EIF2B2: variants seen among roughly 807,000 people sequenced by gnomAD.
EIF2B2 encodes the protein translation initiation factor eIF2B subunit beta.
EIF2B2 carries 34 observed loss-of-function variants against 34.7 expected under a neutral mutation model. The ratio of observed to expected loss-of-function variants is 0.98; its 90% CI spans 0.75 to 1.31. The LOEUF is 1.31. Ranked by LOEUF, EIF2B2 falls within the 50% of genes most tolerant of loss-of-function variation. EIF2B2 has a pLI of 0.00. For synonymous variants in EIF2B2, 155 were observed against 171.6 expected (o/e 0.90, Z 0.76); for missense variants, 361 against 447.7 (o/e 0.81, Z 1.75).
At position 75,004,891 on chromosome 14, in the gene EIF2B2, T is replaced by G. The variant is rs1412783315; in HGVS notation, c.588T>G (p.Pro196=). The stretch of plus-strand genomic sequence containing the variant: ...ATGTCATTGTAGCAGAGTGTGCTCC[T>G]TTCTGCCAGGTAAGGAGACTGCTGG... ...KFHVIVAECA[P]FCQGHEMAVN... is the part of the protein sequence containing the mutation. Residue 196 remains proline (P), a synonymous_variant, in exon 4 of 8, where the codon CCT becomes CCG. Coordinates refer to ENST00000266126, the MANE Select transcript of EIF2B2 (RefSeq NM_014239.4). The G allele has an allele frequency of 1.9e-6, 3 of 1,611,354 alleles. No homozygotes were observed. Among genetic ancestry groups the G allele is most frequent in the Non-Finnish European group, 2.5e-6 (3 of 1,178,756 alleles).
intron 7 of EIF2B2, among the ~76,000 whole-genome samples, chr14:75,008,028 G>C (rs117759630): frequency 2.6e-5 from 4 of 152,286 alleles, no homozygotes; most frequent in African/African-American, 7.2e-5. Context: ...TGGGGCTATT[G>C]TGGGTTGGAT....
rs200642949 is a variant in EIF2B2 at position 75,003,648 on chromosome 14, C to A, written c.382C>A (p.Gln128Lys). The A allele has an allele frequency of 2.5e-6, 4 of 1,614,048 alleles. No individual in the cohort carries two copies. Among genetic ancestry groups the A allele is most frequent in the African/African-American group, 1.3e-5 (1 of 74,906 alleles). The change falls in exon 3 of 8, where the codon CAA becomes AAA. Residue 128 changes from glutamine to lysine, a missense_variant. Coordinates refer to ENST00000266126, the MANE Select transcript of EIF2B2 (RefSeq NM_014239.4). ...CGAGGATTTCAGCTTCCATTATGCC[C>A]AACTCCAGTCCAACATCATTGAGGC... is the stretch of plus-strand genomic sequence containing the variant. ...LNEDFSFHYA[Q>K]LQSNIIEAIN...
Position 75,012,058 on chromosome 14 carries a change from G to A in EIF2B2, c.*2870G>A, listed in dbSNP as rs1250512715. 1 of 152,134 alleles carries A rather than the reference G, an allele frequency of 6.6e-6. No individual in the cohort carries two copies. Among genetic ancestry groups the A allele is most frequent in the Admixed American group, 6.6e-5 (1 of 15,258 alleles). The allele number at this position is 152,134 out of a possible 1,614,324, so 9.4% of individuals were successfully genotyped here. Reference sequence around the variant, plus strand: ...TTAGAATCTTTATGACCCCAATTAAGTAAACCCTATTAAGGCTCATCTTCT... The same window carrying A: ...TTAGAATCTTTATGACCCCAATTAAATAAACCCTATTAAGGCTCATCTTCT... On this transcript the variant is annotated 3_prime_UTR_variant, in exon 8 of 8. Transcript: ENST00000266126.
Position 75,002,940 on chromosome 14 carries a change from T to G in EIF2B2, c.-51T>G. The G allele has an allele frequency of 1.2e-6, 2 of 1,612,502 alleles. No individual in the cohort carries two copies. The highest frequency in any genetic ancestry group is 1.7e-6 in the Non-Finnish European group (2 of 1,179,804). ...CGCCCCGGAAGTGCAAACTGTGTGGTCTGGCAGGTGTGGATTCCGCCGGTG... is the reference window on the plus strand; with the variant it reads ...CGCCCCGGAAGTGCAAACTGTGTGGGCTGGCAGGTGTGGATTCCGCCGGTG... On this transcript the variant is annotated 5_prime_UTR_variant, in exon 1 of 8. Coordinates refer to ENST00000266126, the MANE Select transcript of EIF2B2 (RefSeq NM_014239.4).
At position 75,009,460 on chromosome 14, in the gene EIF2B2, G is replaced by C; in HGVS notation, c.*272G>C. The C allele has an allele frequency of 2.2e-6, 1 of 463,976 alleles. No homozygotes were observed. The highest frequency in any genetic ancestry group is 2.1e-5 in the South Asian group (1 of 48,126). The allele number at this position is 463,976 out of a possible 1,614,324, so 28.7% of individuals were successfully genotyped here. On this transcript the variant is annotated 3_prime_UTR_variant, in exon 8 of 8. Transcript: ENST00000266126. ...AGTGACCTGGTTGCGTCTGTGTCAG[G>C]AACTTAAACTTTCTGGTTCAGTAGT...
rs373439468 is a variant in EIF2B2, at chr14:75,009,190, C to T, written c.*2C>T. On this transcript the variant is annotated 3_prime_UTR_variant, in exon 8 of 8. Transcript: ENST00000266126. ...CATCCTGATGATCATGTTTTATGAC[C>T]GACCACACGTGTCCTAAGCAGATTG... 7 of 1,613,924 alleles carry T rather than the reference C, an allele frequency of 4.3e-6. No individual in the cohort carries two copies. The highest frequency in any genetic ancestry group is 1.1e-5 in the South Asian group (1 of 91,046).
chr14:75,008,941 C>T (rs909833252), intron 7 of EIF2B2, 90 bp from the exon 8 acceptor site: 60 of 1,559,524 alleles, frequency 3.8e-5, no homozygotes, highest in Non-Finnish European at 5.3e-5. Flanking sequence ...AGCTAATATG[C>T]CTGCATTCTC....
In EIF2B2 at chr14:75,009,201, G is replaced by A. The variant is rs770275347; in HGVS notation, c.*13G>A. The stretch of plus-strand genomic sequence containing the variant: ...TCATGTTTTATGACCGACCACACGT[G>A]TCCTAAGCAGATTGCTTAGGCAGAT... On this transcript the variant is annotated 3_prime_UTR_variant, in exon 8 of 8. Transcript: ENST00000266126. The A allele has an allele frequency of 1.9e-6, 3 of 1,613,916 alleles. No homozygotes were observed. The highest frequency in any genetic ancestry group is 2.5e-6 in the Non-Finnish European group (3 of 1,179,902).
Position 75,005,971 on chromosome 14 carries a change from T to C in EIF2B2, c.693+10T>C. On this transcript the variant is annotated intron_variant, in intron 5 of 7. Transcript: ENST00000266126. Reference sequence around the variant, plus strand: ...GTCAAGAGTCAACAAGGTGGGTATATCTGGAGTTATGTTGAATTCATGAAG... The same window carrying C: ...GTCAAGAGTCAACAAGGTGGGTATACCTGGAGTTATGTTGAATTCATGAAG... The C allele has an allele frequency of 6.3e-7, 1 of 1,599,744 alleles. No homozygotes were observed. The highest frequency in any genetic ancestry group is 8.6e-7 in the Non-Finnish European group (1 of 1,167,210).
Position 75,006,910 on chromosome 14 carries a change from C to A in EIF2B2, c.831+196C>A. 1 of 833,702 alleles carries A rather than the reference C, an allele frequency of 1.2e-6. No homozygotes were observed. The highest frequency in any genetic ancestry group is 2.0e-6 in the Non-Finnish European group (1 of 502,436). 51.6% of individuals were successfully genotyped at this position (833,702 alleles called of 1,614,324 possible). Reference sequence around the variant, plus strand: ...AAAACAGTTGAGAGTTCTCAGCTGTCAACTTTAGGAAGTCAAGATTGTAAG... The same window carrying A: ...AAAACAGTTGAGAGTTCTCAGCTGTAAACTTTAGGAAGTCAAGATTGTAAG... On this transcript the variant is annotated intron_variant, in intron 6 of 7. Coordinates refer to ENST00000266126, the MANE Select transcript of EIF2B2 (RefSeq NM_014239.4). This position sits in a 1 kb window ranked among gnomAD's most constrained non-coding sequence, Gnocchi z 4.1.
chr14:75,009,145 G>A lies in EIF2B2; in HGVS notation c.1013G>A (p.Arg338His). Reference sequence around the variant, plus strand: ...GGGAATGCACCTTCCTACATCTACCGCCTGATGAGTGAACTCTACCATCCT... The same window carrying A: ...GGGAATGCACCTTCCTACATCTACCACCTGATGAGTGAACTCTACCATCCT... ...IGGNAPSYIY[R>H]LMSELYHPDD... Residue 338 changes from arginine to histidine, a missense_variant, in exon 8 of 8, where the codon CGC becomes CAC. Transcript: ENST00000266126. 6.2e-7 allele frequency: 1 copy of A among 1,613,952 alleles called. No homozygotes were observed. The highest frequency in any genetic ancestry group is 8.5e-7 in the Non-Finnish European group (1 of 1,179,992).
chr14:75,005,370 C>CT (rs926816089), intron 4 of EIF2B2, among the ~76,000 whole-genome samples: 1 of 149,200 alleles, frequency 6.7e-6, no homozygotes, highest in African/African-American at 2.5e-5. Flanking sequence ...GAGCAAGACT[C>CT]TGTCTCAAAA....
Position 75,004,848 on chromosome 14 carries a change from C to T in EIF2B2, c.545C>T (p.Ala182Val), listed in dbSNP as rs1889604150. Residue 182 changes from alanine to valine, a missense_variant, in exon 4 of 8, where the codon GCC (alanine) becomes GTC (valine). Physicochemically the swap from Ala to Val is moderately conservative, Grantham distance 64. Coordinates refer to ENST00000266126, the MANE Select transcript of EIF2B2 (RefSeq NM_014239.4). ...GTAGAGGCCTTCCTCAAAGAGGCTG[C>T]CCGAAAGAGGAAATTCCATGTCATT... is the stretch of plus-strand genomic sequence containing the variant. ...RTVEAFLKEAARKRKFHVIVA... is the reference protein window; with the variant it reads ...RTVEAFLKEAVRKRKFHVIVA... 1 of 1,612,928 alleles carries T rather than the reference C, an allele frequency of 6.2e-7. No individual in the cohort carries two copies. Among genetic ancestry groups the T allele is most frequent in the Non-Finnish European group, 8.5e-7 (1 of 1,179,790 alleles).
Position 75,003,365 on chromosome 14 carries a change from T to C in EIF2B2, c.254T>C (p.Val85Ala). ...ACCGTGGGCAACATGGTGCGGAGAG[T>C]GCTCAAGATTATCCGGGAGGAGTAT... ...ETTVGNMVRR[V>A]LKIIREEYGR... The change falls in exon 2 of 8, where the codon GTG (valine) becomes GCG (alanine). Residue 85 changes from valine to alanine, a missense_variant. Transcript: ENST00000266126. 1 of 1,611,978 alleles carries C rather than the reference T, an allele frequency of 6.2e-7. No homozygotes were observed. Among genetic ancestry groups the C allele is most frequent in the East Asian group, 2.2e-5 (1 of 44,796 alleles).
rs76434335 is a variant in EIF2B2, at chr14:75,009,765, G to T, written c.*577G>T. 50,675 of 153,096 alleles carry T rather than the reference G, an allele frequency of 0.33. 10,398 individuals are homozygous for T. Among genetic ancestry groups the T allele is most frequent in the East Asian group, 0.64 (3,284 of 5,130 alleles). The allele number at this position is 153,096 out of a possible 1,614,324, so 9.5% of individuals were successfully genotyped here. ...TCCTGGACTTTGGGAGGCTGAGGTG[G>T]GAGGCTTGTTTGAGGCTTGTTTGAG... On this transcript the variant is annotated 3_prime_UTR_variant, in exon 8 of 8. Transcript: ENST00000266126.
intron 6 of EIF2B2, 28 bp from the exon 7 acceptor site, chr14:75,007,694 T>C: frequency 6.3e-7 from 1 of 1,597,618 alleles, no homozygotes; most frequent in Non-Finnish European, 8.6e-7. Flanking sequence ...GCTGGGTCTC[T>C]AGTTTTTATA....
Position 75,004,666 on chromosome 14 carries a change from CATATAT to C in EIF2B2, c.434-52_434-47del, listed in dbSNP as rs1230382829. On this transcript the variant is annotated intron_variant, in intron 3 of 7. Transcript: ENST00000266126. ...ATGTGTGTTTGTGATATAGCAATTT[CATATAT>C]ATATATATATATATATATTTTTTTT... 35 of 184,094 alleles carry C rather than the reference CATATAT, an allele frequency of 1.9e-4. No homozygotes were observed. The South Asian group carries it at 2.7e-3, about 14-fold the overall frequency. 11.4% of individuals were successfully genotyped at this position (184,094 alleles called of 1,614,324 possible).
intron 3 of EIF2B2, 141 bp from the exon 4 acceptor site, chr14:75,004,596 G>T (rs2139251998): frequency 4.0e-6 from 1 of 252,690 alleles, no homozygotes; most frequent in East Asian, 9.6e-5. Flanking sequence ...TCTGCTAGGT[G>T]GGCAGTGCAT....
rs1889671593 is a variant in EIF2B2 at position 75,009,297 on chromosome 14, C to T, written c.*109C>T. The T allele has an allele frequency of 1.4e-6, 2 of 1,383,508 alleles. No homozygotes were observed. The highest frequency in any genetic ancestry group is 2.0e-6 in the Non-Finnish European group (2 of 985,090). The allele number at this position is 1,383,508 out of a possible 1,614,324, so 85.7% of individuals were successfully genotyped here. On this transcript the variant is annotated 3_prime_UTR_variant, in exon 8 of 8. Coordinates refer to ENST00000266126, the MANE Select transcript of EIF2B2 (RefSeq NM_014239.4). Reference sequence around the variant, plus strand: ...TGCAATGTGGGAGTGCACAGGAGTCCACCTAAAAAAAAAATCCTTGATACT... The same window carrying T: ...TGCAATGTGGGAGTGCACAGGAGTCTACCTAAAAAAAAAATCCTTGATACT...
Sources: gnomAD v4.1 joint callset for allele counts (sites outside exome capture counted in the v4.1 genomes callset) on GRCh38, gnomAD v4.1.1 for gene constraint, Gnocchi (gnomAD v3.1) non-coding constraint, MANE v1.5 for transcripts, NCBI Gene and HGNC (gene_info 2026-07-23, HGNC 2026-07-21) for gene names.